Variants in ADK observed in about 807,000 individuals in gnomAD.
The protein encoded by ADK is adenosine kinase.
In ADK, 24 loss-of-function variants were observed where a neutral mutation model predicts 44.7. That is an observed-to-expected ratio of 0.54 (90% CI 0.39 to 0.76). ADK has a LOEUF of 0.76. ADK is among the 30% of genes least tolerant of loss of function. The pLI is 0.00. For missense variants in ADK, 321 were observed against 425.1 expected (o/e 0.76, Z 2.15); for synonymous variants, 128 against 142.6 (o/e 0.90, Z 0.73).
intron 7 of ADK, among the ~76,000 whole-genome samples, chr10:74,547,550 C>T (rs868400667): frequency 6.2e-5 from 9 of 144,398 alleles, no homozygotes; most frequent in South Asian, 4.4e-4. Flanking sequence ...GGTGCAATCT[C>T]GGCTCACTGC....
chr10:74,357,344 T>A (rs1842179091), intron 4 of ADK, among the ~76,000 whole-genome samples: 1 of 152,134 alleles, frequency 6.6e-6, no homozygotes, highest in Admixed American at 6.5e-5. Context: ...TTTGCTGTGT[T>A]ACCCAGTCTG....
chr10:74,252,861 T>C (rs1158576593), intron 3 of ADK, among the ~76,000 whole-genome samples: 1 of 152,228 alleles, frequency 6.6e-6, no homozygotes, highest in East Asian at 1.9e-4. Flanking sequence ...TCCTTTTCAC[T>C]TAGACTTTCC....
intron 9 of ADK, among the ~76,000 whole-genome samples, chr10:74,651,053 TAAG>T (rs1374409261): frequency 9.9e-5 from 15 of 152,128 alleles, no homozygotes; most frequent in Non-Finnish European, 7.4e-5. Context: ...GTATGTAGCT[TAAG>T]AAGAGCTGTA....
intron 7 of ADK, among the ~76,000 whole-genome samples, chr10:74,574,315 C>T (rs556883945): frequency 5.3e-5 from 8 of 152,170 alleles, no homozygotes; most frequent in African/African-American, 1.2e-4. Context: ...GGACTACAGG[C>T]GCATGCCACC....
chr10:74,342,234 A>G (rs1372754348), intron 4 of ADK, among the ~76,000 whole-genome samples: 1 of 152,142 alleles, frequency 6.6e-6, no homozygotes, highest in Non-Finnish European at 1.5e-5. Context: ...CATAATGGGT[A>G]ATATTGCCAA....
intron 10 of ADK, among the ~76,000 whole-genome samples, chr10:74,694,147 ATTTTTTT>A (rs10669118): frequency 4.9e-5 from 4 of 82,304 alleles, no homozygotes; most frequent in Non-Finnish European, 6.4e-5. Context: ...TTTCAAACAC[ATTTTTTT>A]TTTTTTTTTT....
In ADK at chr10:74,502,364, G is replaced by A. The variant is rs573000092; in HGVS notation, c.556-22892G>A. Reference sequence around the variant, plus strand: ...CATATAAGAAATGTAGACATAGAGAGTGTTTATTGCAGTAATTTGCCAAAA... The same window carrying A: ...CATATAAGAAATGTAGACATAGAGAATGTTTATTGCAGTAATTTGCCAAAA... On this transcript the variant is annotated intron_variant, in intron 6 of 10. Coordinates refer to ENST00000539909, the MANE Select transcript of ADK (RefSeq NM_006721.4). Among the ~76,000 whole-genome samples, 17 of 152,162 alleles carry A rather than the reference G, an allele frequency of 1.1e-4. No individual in the cohort carries two copies. The South Asian group carries it at 3.5e-3, about 32-fold the overall frequency.
At chr10:74,502,687 G>A (rs961131767) in intron 6 of ADK, among the ~76,000 whole-genome samples, 6 of 152,054 alleles carry the variant, frequency 3.9e-5, no homozygotes, top group Admixed American at 1.3e-4. Context: ...TGTTTTCAAC[G>A]AAACTATTCT....
intron 2 of ADK, among the ~76,000 whole-genome samples, chr10:74,210,352 T>C (rs202061755): frequency 1.1e-5 from 1 of 89,606 alleles, no homozygotes; most frequent in East Asian, 2.7e-4. Flanking sequence ...AAAAAAAAAA[T>C]AGAAAATACT....
chr10:74,472,345 C>T (rs11001048), intron 6 of ADK, among the ~76,000 whole-genome samples: 6,985 of 151,768 alleles, frequency 0.046, 555 homozygotes, highest in African/African-American at 0.16. Context: ...TCCTCTGTGC[C>T]TTTTTTTTAT....
intron 10 of ADK, among the ~76,000 whole-genome samples, chr10:74,706,679 C>T (rs1427362956): frequency 6.6e-6 from 1 of 151,980 alleles, no homozygotes; most frequent in Non-Finnish European, 1.5e-5. Context: ...AGTATAAATC[C>T]TCTGGCTTTG....
At chr10:74,245,088 G>T (rs952300398) in intron 3 of ADK, among the ~76,000 whole-genome samples, 2 of 152,128 alleles carry the variant, frequency 1.3e-5, no homozygotes, top group East Asian at 3.8e-4. Flanking sequence ...CATTGTCAGT[G>T]ATTTTATTGG....
chr10:74,490,046 G>T (rs1469633415), intron 6 of ADK, among the ~76,000 whole-genome samples: 1 of 151,840 alleles, frequency 6.6e-6, no homozygotes, highest in East Asian at 1.9e-4. Context: ...ATTGGAGCAT[G>T]TAACCAATAT....
chr10:74,334,810 A>G (rs1216659295), intron 4 of ADK, among the ~76,000 whole-genome samples: 3 of 152,028 alleles, frequency 2.0e-5, no homozygotes, highest in Non-Finnish European at 4.4e-5. Context: ...CAAAGCTTTT[A>G]TAGTCTCTGA....
Position 74,555,779 on chromosome 10 carries a change from G to A in ADK, c.726+30353G>A, listed in dbSNP as rs143679328. ...GTTTCTCAGTTGCTCTGGACAGAAA[G>A]CACCTAGAAGGTTGAGATAATTCAA... is the stretch of plus-strand genomic sequence containing the variant. On this transcript the variant is annotated intron_variant, in intron 7 of 10. Coordinates refer to ENST00000539909, the MANE Select transcript of ADK (RefSeq NM_006721.4). Among the ~76,000 whole-genome samples the A allele has an allele frequency of 3.9e-4, 60 of 152,288 alleles. 1 individual carries two copies. In the East Asian group the frequency reaches 9.4e-3, roughly 24 times the overall value.
chr10:74,187,501 T>TAC (rs147834892), intron 1 of ADK, among the ~76,000 whole-genome samples: 22,324 of 151,004 alleles, frequency 0.15, 1,625 homozygotes, highest in Middle Eastern at 0.23. Context: ...TACACGCACA[T>TAC]ACACACACAC....
chr10:74,258,949 T>TG (rs1845931414), intron 3 of ADK, among the ~76,000 whole-genome samples: 5 of 11,796 alleles, frequency 4.2e-4, no homozygotes, highest in Non-Finnish European at 1.2e-3. Context: ...GTTTTTGTGT[T>TG]TTTTTTTTTT....
chr10:74,694,356 G>T (rs1408800037), intron 10 of ADK, among the ~76,000 whole-genome samples: 1 of 150,686 alleles, frequency 6.6e-6, no homozygotes, highest in Non-Finnish European at 1.5e-5. Context: ...TTGGAGACCA[G>T]CCTGGGCAAC....
chr10:74,530,835 G>T (rs1379706281), intron 7 of ADK, among the ~76,000 whole-genome samples: 1 of 152,122 alleles, frequency 6.6e-6, no homozygotes, highest in Non-Finnish European at 1.5e-5. Flanking sequence ...TGAGGCATGA[G>T]AATTACTTGA....
Sources: allele counts gnomAD v4.1 joint callset (sites outside exome capture counted in the v4.1 genomes callset), GRCh38; gene constraint gnomAD v4.1.1; transcripts MANE v1.5; gene names NCBI Gene and HGNC (gene_info 2026-07-23, HGNC 2026-07-21).